Variants in IL1RAPL1 observed in about 807,000 individuals in gnomAD.
The protein encoded by IL1RAPL1 is interleukin 1 receptor accessory protein like 1.
In IL1RAPL1, 3 loss-of-function variants were observed where a neutral mutation model predicts 48.4. The observed-to-expected ratio is 0.06, with a 90% CI of 0.03 to 0.16. The LOEUF is 0.16. Among genes scored for constraint, IL1RAPL1 ranks in the 10% least tolerant of loss-of-function variants. IL1RAPL1 has a pLI of 1.00. For missense variants in IL1RAPL1, 349 were observed against 530.6 expected, an observed-to-expected ratio of 0.66 and a Z score of 3.36; for synonymous variants, 185 against 187.7, an observed-to-expected ratio of 0.99 and a Z score of 0.12.
intron 2 of IL1RAPL1, among the ~76,000 whole-genome samples, chrX:29,005,584 C>G (rs774946008): frequency 5.4e-5 from 6 of 111,623 alleles, no homozygotes; most frequent in African/African-American, 2.0e-4. Flanking sequence ...GAACATTATT[C>G]GAGTAGCTGC....
intron 2 of IL1RAPL1, among the ~76,000 whole-genome samples, chrX:28,971,282 A>G (rs1017197835): frequency 2.7e-5 from 3 of 112,234 alleles, no homozygotes; most frequent in Non-Finnish European, 5.6e-5. Flanking sequence ...AATTGTCATA[A>G]TGTATTAGTA....
Position 28,622,341 on chromosome X carries a change from C to T in IL1RAPL1, c.-25+34294C>T, listed in dbSNP as rs192598962. On this transcript the variant is annotated intron_variant, in intron 1 of 10. Transcript: ENST00000378993. ...TTTGTGGTCACAAATTCAAACATTA[C>T]CAAATTGCACCAAATAAAAAAATGA... 1.1e-4 allele frequency among the ~76,000 whole-genome samples: 12 copies of T among 111,027 alleles called. No individual in the cohort carries two copies. In the East Asian group the frequency reaches 3.4e-3, roughly 32 times the overall value.
intron 6 of IL1RAPL1, among the ~76,000 whole-genome samples, chrX:29,778,181 A>C (rs977721075): frequency 9.9e-5 from 11 of 111,591 alleles, no homozygotes; most frequent in African/African-American, 3.6e-4. Context: ...GAAAACACAC[A>C]GATGTGAACA....
intron 2 of IL1RAPL1, among the ~76,000 whole-genome samples, chrX:28,827,439 A>G (rs1402564003): frequency 9.0e-6 from 1 of 111,508 alleles, no homozygotes; most frequent in Non-Finnish European, 1.9e-5. Context: ...TACACATTTA[A>G]TATGAAACAG....
chrX:29,131,074 C>T (rs1929011130), intron 2 of IL1RAPL1, among the ~76,000 whole-genome samples: 4 of 111,910 alleles, frequency 3.6e-5, no homozygotes, highest in African/African-American at 1.3e-4. Flanking sequence ...TATTCAGCTG[C>T]TGCATGATGT....
intron 1 of IL1RAPL1, among the ~76,000 whole-genome samples, chrX:28,728,140 TTTC>T (rs1325371049): frequency 9.0e-6 from 1 of 111,549 alleles, no homozygotes; most frequent in Admixed American, 9.6e-5. Flanking sequence ...TGATGATGGA[TTTC>T]TTATTATATC....
intron 6 of IL1RAPL1, among the ~76,000 whole-genome samples, chrX:29,909,614 AC>A (rs1932723052): frequency 8.9e-6 from 1 of 112,181 alleles, no homozygotes; most frequent in Non-Finnish European, 1.9e-5. Context: ...AATAAAAATT[AC>A]AAAACACTGC....
chrX:29,377,101 T>C (rs1259978856), intron 3 of IL1RAPL1, among the ~76,000 whole-genome samples: 1 of 112,371 alleles, frequency 8.9e-6, no homozygotes, highest in African/African-American at 3.2e-5. Context: ...ACTGTTATCA[T>C]TATGTAATGC....
intron 6 of IL1RAPL1, among the ~76,000 whole-genome samples, chrX:29,806,799 A>T (rs1460910347): frequency 1.8e-5 from 2 of 111,671 alleles, no homozygotes; most frequent in African/African-American, 3.3e-5. Context: ...CTCAAATTTC[A>T]TGAGGAGTCG....
chrX:29,557,828 T>C (rs112882182), intron 5 of IL1RAPL1, among the ~76,000 whole-genome samples: 58 of 111,633 alleles, frequency 5.2e-4, no homozygotes, highest in African/African-American at 1.7e-3. Context: ...TTAATCTGTG[T>C]TGTCACAAAT....
chrX:29,104,022 G>A (rs141019909), intron 2 of IL1RAPL1, among the ~76,000 whole-genome samples: 4,137 of 111,749 alleles, frequency 0.037, 72 homozygotes, highest in Middle Eastern at 0.065. Flanking sequence ...CACTGTTGGT[G>A]GGAATGTAAA....
rs573592161 is a variant in IL1RAPL1 at position 28,716,169 on chromosome X, A to G, written c.-24-73151A>G. 1.4e-4 allele frequency among the ~76,000 whole-genome samples: 16 copies of G among 112,138 alleles called. No homozygotes were observed. The South Asian group carries it at 4.8e-3, about 34-fold the overall frequency. On this transcript the variant is annotated intron_variant, in intron 1 of 10. Coordinates refer to ENST00000378993, the MANE Select transcript of IL1RAPL1 (RefSeq NM_014271.4). Reference sequence around the variant, plus strand: ...GTTAAAAACTCACAATAAACTAGGTATTGAAGGAACATACGTCAAAATAAT... The same window carrying G: ...GTTAAAAACTCACAATAAACTAGGTGTTGAAGGAACATACGTCAAAATAAT...
intron 5 of IL1RAPL1, among the ~76,000 whole-genome samples, chrX:29,500,973 A>AT: frequency 9.0e-6 from 1 of 111,307 alleles, no homozygotes; most frequent in East Asian, 2.8e-4. Context: ...AGTCCCTGTC[A>AT]TTTTTTAAAG....
At chrX:29,386,447 T>C (rs1402427096) in intron 3 of IL1RAPL1, among the ~76,000 whole-genome samples, 1 of 111,572 alleles carries the variant, frequency 9.0e-6, no homozygotes, top group African/African-American at 3.3e-5. Context: ...ATAAACTCCA[T>C]AAAATCAAGT....
chrX:29,258,238 C>A (rs1291411666), intron 2 of IL1RAPL1, among the ~76,000 whole-genome samples: 1 of 111,224 alleles, frequency 9.0e-6, no homozygotes, highest in Admixed American at 9.6e-5. Context: ...AGCAAAATTT[C>A]ACATGTACCC....
intron 2 of IL1RAPL1, among the ~76,000 whole-genome samples, chrX:28,812,742 A>G (rs924891067): frequency 1.4e-4 from 16 of 110,932 alleles, no homozygotes; most frequent in African/African-American, 5.2e-4. Flanking sequence ...AAAACAGATA[A>G]CTCAGTAGTT....
chrX:29,252,303 G>T (rs1468503515), intron 2 of IL1RAPL1, among the ~76,000 whole-genome samples: 1 of 112,940 alleles, frequency 8.9e-6, no homozygotes, highest in East Asian at 2.7e-4. Flanking sequence ...AAGAAAATCA[G>T]GGCCATAGAG....
chrX:29,145,238 C>T (rs1325317965), intron 2 of IL1RAPL1, among the ~76,000 whole-genome samples: 1 of 111,609 alleles, frequency 9.0e-6, no homozygotes, highest in Non-Finnish European at 1.9e-5. Flanking sequence ...TATGTTTTTA[C>T]AATAGTGCCA....
chrX:29,055,431 G>T (rs1463972480), intron 2 of IL1RAPL1, among the ~76,000 whole-genome samples: 11 of 111,489 alleles, frequency 9.9e-5, no homozygotes, highest in Non-Finnish European at 2.1e-4. Flanking sequence ...TGAAAATGTA[G>T]CCACGTTCCT....
Sources: allele counts gnomAD v4.1 joint callset (sites outside exome capture counted in the v4.1 genomes callset), GRCh38; gene constraint gnomAD v4.1.1; transcripts MANE v1.5; gene names NCBI Gene and HGNC (gene_info 2026-07-23, HGNC 2026-07-21).